Variants in CHODL observed in about 807,000 individuals in gnomAD.
The protein encoded by CHODL is transmembrane protein MT75.
A neutral mutation model predicts 34.5 loss-of-function variants in CHODL; 29 were observed. The ratio of observed to expected loss-of-function variants is 0.84; its 90% CI spans 0.63 to 1.15. The LOEUF (loss-of-function observed/expected upper bound fraction) is 1.15, where lower values mean the gene tolerates loss of function less well. Ranked by LOEUF, CHODL falls within the 50% of genes most tolerant of loss-of-function variation. The pLI, the probability that CHODL is intolerant of heterozygous loss-of-function variation, is 0.00. For synonymous variants in CHODL, 125 were observed against 116.1 expected (o/e 1.08, Z -0.49); for missense variants, 332 against 332.5 (o/e 1.00, Z 0.01).
At chr21:18,019,578 A>T (rs1812864012) in intron 1 of CHODL, among the ~76,000 whole-genome samples, 1 of 152,176 alleles carries the variant, frequency 6.6e-6, no homozygotes, top group Non-Finnish European at 1.5e-5. Context: ...AAAATATCTC[A>T]TGTACCTCAT....
intron 1 of CHODL, among the ~76,000 whole-genome samples, chr21:17,950,858 A>C (rs1396660617): frequency 1.3e-5 from 2 of 152,176 alleles, no homozygotes; most frequent in African/African-American, 2.4e-5. Context: ...AAAAAGTCTG[A>C]AAAAGAGAAA....
At chr21:18,183,506 G>C (rs1344878681) in intron 2 of CHODL, among the ~76,000 whole-genome samples, 1 of 152,158 alleles carries the variant, frequency 6.6e-6, no homozygotes, top group East Asian at 1.9e-4. Context: ...TGCCTTTGAT[G>C]TTTGTGAGAT....
chr21:17,962,953 A>G (rs921650518), intron 1 of CHODL, among the ~76,000 whole-genome samples: 2 of 151,892 alleles, frequency 1.3e-5, no homozygotes, highest in African/African-American at 4.8e-5. Flanking sequence ...AGTCCCAGCT[A>G]CTCAGGAGGA....
intron 2 of CHODL, among the ~76,000 whole-genome samples, chr21:18,086,200 C>A (rs1179220584): frequency 6.6e-6 from 1 of 151,614 alleles, no homozygotes; most frequent in Middle Eastern, 3.2e-3. Context: ...AGAATTTCTG[C>A]TTTTGTTTTC....
chr21:17,965,762 A>T (rs2063567246), intron 1 of CHODL, among the ~76,000 whole-genome samples: 1 of 152,184 alleles, frequency 6.6e-6, no homozygotes. Flanking sequence ...AAGTTAGTAA[A>T]GGGGAAAAAG....
chr21:18,130,989 A>C (rs1038566141), intron 2 of CHODL, among the ~76,000 whole-genome samples: 2 of 152,126 alleles, frequency 1.3e-5, no homozygotes, highest in Non-Finnish European at 2.9e-5. Context: ...ATTGTCTTAC[A>C]ATTCTGGAGG....
intron 2 of CHODL, among the ~76,000 whole-genome samples, chr21:18,196,617 C>T (rs555194334): frequency 1.3e-5 from 2 of 152,168 alleles, no homozygotes; most frequent in Non-Finnish European, 2.9e-5. Context: ...TATCTTCACT[C>T]AGTTTTTGCC....
chr21:18,091,878 G>T (rs2065078561), intron 2 of CHODL, among the ~76,000 whole-genome samples: 1 of 152,172 alleles, frequency 6.6e-6, no homozygotes, highest in African/African-American at 2.4e-5. Flanking sequence ...GTGGAAAGGG[G>T]AAGGAAAAGT....
chr21:17,958,927 CTT>C (rs2146349305), intron 1 of CHODL, among the ~76,000 whole-genome samples: 1 of 152,196 alleles, frequency 6.6e-6, no homozygotes, highest in East Asian at 1.9e-4. Flanking sequence ...ATTTCCTTGT[CTT>C]CTCTGGCTGA....
chr21:18,051,552 CTG>C (rs1406776988), intron 2 of CHODL, among the ~76,000 whole-genome samples: 3 of 151,734 alleles, frequency 2.0e-5, no homozygotes, highest in Admixed American at 6.6e-5. Context: ...TTATTTGAAA[CTG>C]AAGACTGTCA....
chr21:17,983,921 T>G (rs1163321096), intron 1 of CHODL, among the ~76,000 whole-genome samples: 3 of 131,360 alleles, frequency 2.3e-5, no homozygotes, highest in South Asian at 2.7e-4. Flanking sequence ...GTGGGGGGGG[T>G]GGGGGCAAGA....
At chr21:18,066,574 A>T (rs2146492540) in intron 2 of CHODL, among the ~76,000 whole-genome samples, 1 of 152,266 alleles carries the variant, frequency 6.6e-6, no homozygotes, top group South Asian at 2.1e-4. Context: ...AATCACTGCC[A>T]TTACCCAAAC....
intron 1 of CHODL, among the ~76,000 whole-genome samples, chr21:17,918,543 C>T (rs1233600147): frequency 6.6e-6 from 1 of 151,088 alleles, no homozygotes; most frequent in Non-Finnish European, 1.5e-5. Flanking sequence ...TCAGAACTGC[C>T]CCCATAATTT....
chr21:18,207,924 T>C lies in CHODL; in HGVS notation c.-44-48585T>C, dbSNP rs138596805. ...TTTAGAAGTTTGACTATTAAAACTT[T>C]GTTTATTGAGGGAGTCTTCTTCGGG... On this transcript the variant is annotated intron_variant, in intron 2 of 6. Coordinates refer to the CHODL transcript ENST00000400127. 5.6e-3 allele frequency among the ~76,000 whole-genome samples: 858 copies of C among 152,136 alleles called. 10 individuals are homozygous for C. Among genetic ancestry groups the C allele is most frequent in the African/African-American group, 0.019 (809 of 41,540 alleles).
intron 2 of CHODL, among the ~76,000 whole-genome samples, chr21:18,202,584 G>A (rs9305854): frequency 0.74 from 112,551 of 152,122 alleles, 42,163 homozygotes; most frequent in East Asian, 0.93. Flanking sequence ...CCCTTTTGTC[G>A]TGGGCTCCTA....
intron 2 of CHODL, among the ~76,000 whole-genome samples, chr21:18,028,588 A>G (rs931815738): frequency 2.0e-5 from 3 of 149,734 alleles, no homozygotes; most frequent in African/African-American, 7.4e-5. Context: ...AATCCCAGCT[A>G]TTTGGGAGGC....
At chr21:18,154,597 T>A (rs899156245) in intron 2 of CHODL, among the ~76,000 whole-genome samples, 3 of 152,194 alleles carry the variant, frequency 2.0e-5, no homozygotes, top group Non-Finnish European at 4.4e-5. Flanking sequence ...AAAGGTTACC[T>A]GTTTAATTAT....
At chr21:17,919,150 G>C (rs1362064146) in intron 1 of CHODL, among the ~76,000 whole-genome samples, 1 of 152,206 alleles carries the variant, frequency 6.6e-6, no homozygotes, top group Non-Finnish European at 1.5e-5. Flanking sequence ...CAAGCTGTCA[G>C]TGGATCTACC....
chr21:18,026,914 G>A (rs779164775), intron 1 of CHODL, among the ~76,000 whole-genome samples: 1 of 152,114 alleles, frequency 6.6e-6, no homozygotes, highest in Non-Finnish European at 1.5e-5. Flanking sequence ...GATAGTTAAA[G>A]TTTTATAAAA....
Sources: allele counts gnomAD v4.1 joint callset (sites outside exome capture counted in the v4.1 genomes callset), GRCh38; gene constraint gnomAD v4.1.1; transcripts MANE v1.5; gene names NCBI Gene and HGNC (gene_info 2026-07-23, HGNC 2026-07-21).